Variants in DSCAML1 observed in about 807,000 individuals in gnomAD.
DSCAML1 encodes the protein cell adhesion molecule DSCAML1.
DSCAML1 carries 38 observed loss-of-function variants against 200.5 expected under a neutral mutation model. The observed-to-expected ratio is 0.19, with a 90% CI of 0.15 to 0.25. The LOEUF (loss-of-function observed/expected upper bound fraction) is 0.25. DSCAML1 is among the 10% of genes least tolerant of loss of function. The pLI is 1.00. For missense variants in DSCAML1, 2,223 were observed against 2,858.8 expected (o/e 0.78, Z 5.07); for synonymous variants, 1,215 against 1,165.0 (o/e 1.04, Z -0.87).
At chr11:117,457,913 G>A (rs910281548) in intron 19 of DSCAML1, among the ~76,000 whole-genome samples, 15 of 152,350 alleles carry the variant, frequency 9.8e-5, no homozygotes, top group African/African-American at 3.6e-4. Flanking sequence ...TGCCTGCTGT[G>A]TGCCAGTCGT....
Position 117,607,050 on chromosome 11 carries a change from A to C in DSCAML1, c.512-74528T>G, listed in dbSNP as rs576204402. Reference sequence around the variant, plus strand: ...ACTGGGACCAGACAGTGTTCTAGGCACTAGCAAAATGCCCAGCAGAGAAGG... The same window carrying C: ...ACTGGGACCAGACAGTGTTCTAGGCCCTAGCAAAATGCCCAGCAGAGAAGG... On this transcript the variant is annotated intron_variant, in intron 3 of 32. Transcript: ENST00000651296. 2.2e-4 allele frequency among the ~76,000 whole-genome samples: 34 copies of C among 152,352 alleles called. 1 individual carries two copies. In the South Asian group the frequency reaches 6.4e-3, roughly 29 times the overall value.
chr11:117,511,720 T>G (rs549246131), intron 8 of DSCAML1, among the ~76,000 whole-genome samples: 18 of 152,340 alleles, frequency 1.2e-4, no homozygotes, highest in Non-Finnish European at 2.4e-4. Context: ...TGGGCAATAT[T>G]TCATATGGTC....
At chr11:117,542,779 T>G (rs2050297197) in intron 3 of DSCAML1, among the ~76,000 whole-genome samples, 1 of 152,264 alleles carries the variant, frequency 6.6e-6, no homozygotes, top group Non-Finnish European at 1.5e-5. Context: ...TCTCTTCCTT[T>G]ACAGATGAGG....
intron 4 of DSCAML1, among the ~76,000 whole-genome samples, chr11:117,528,896 T>C (rs1407925761): frequency 6.6e-6 from 1 of 152,116 alleles, no homozygotes; most frequent in African/African-American, 2.4e-5. Context: ...CCTCTGCAAC[T>C]TGGAAAATAC....
At chr11:117,716,905 G>A (rs1339756611) in intron 3 of DSCAML1, among the ~76,000 whole-genome samples, 1 of 152,010 alleles carries the variant, frequency 6.6e-6, no homozygotes, top group African/African-American at 2.4e-5. Context: ...TGGCTTGCAC[G>A]GCCTGAAATA....
rs933086818 is a variant in DSCAML1, at chr11:117,494,752, C to T, written c.2359+9093G>A. 1.2e-4 allele frequency among the ~76,000 whole-genome samples: 19 copies of T among 152,260 alleles called. 1 individual carries two copies. The South Asian group carries it at 3.9e-3, about 32-fold the overall frequency. ...CCCTTAATCCAATAGGACTTGTGTC[C>T]TCATAAGACGAGAAGAGACCCACAT... On this transcript the variant is annotated intron_variant, in intron 11 of 32. Transcript: ENST00000651296.
intron 18 of DSCAML1, among the ~76,000 whole-genome samples, chr11:117,459,484 T>C (rs963862175): frequency 2.0e-5 from 3 of 152,216 alleles, no homozygotes; most frequent in Non-Finnish European, 2.9e-5. Context: ...GAGTGACTCA[T>C]CTGCCTTCTC....
rs139852596 is a variant in DSCAML1 at position 117,653,498 on chromosome 11, C to T, written c.512-120976G>A. On this transcript the variant is annotated intron_variant, in intron 3 of 32. Transcript: ENST00000651296. ...ATTAAGCCCTGTCTGTCTTCATCCT[C>T]CCCTGCTTGTAGACCCCCGGGCTAG... is the stretch of plus-strand genomic sequence containing the variant. Among the ~76,000 whole-genome samples the T allele has an allele frequency of 2.1e-3, 315 of 152,260 alleles. 1 individual carries two copies. The highest frequency in any genetic ancestry group is 6.7e-3 in the African/African-American group (278 of 41,568).
chr11:117,653,324 A>G (rs369467160), intron 3 of DSCAML1, among the ~76,000 whole-genome samples: 2 of 152,122 alleles, frequency 1.3e-5, no homozygotes, highest in African/African-American at 4.8e-5. Context: ...ACTTCAGATG[A>G]TCTCCCGTGG....
At chr11:117,815,487 C>T (rs2134092643) in intron 1 of DSCAML1, among the ~76,000 whole-genome samples, 1 of 152,296 alleles carries the variant, frequency 6.6e-6, no homozygotes, top group East Asian at 1.9e-4. Flanking sequence ...ACATTGCCCT[C>T]TTCTCCCCTC....
chr11:117,810,716 A>G (rs1383501652), intron 1 of DSCAML1, among the ~76,000 whole-genome samples: 1 of 152,218 alleles, frequency 6.6e-6, no homozygotes, highest in East Asian at 1.9e-4. Context: ...AAATAGCCGG[A>G]AAACAGCTCT....
chr11:117,450,818 GT>G, intron 19 of DSCAML1, 130 bp from the exon 20 acceptor site: 1 of 1,060,946 alleles, frequency 9.4e-7, no homozygotes, highest in Non-Finnish European at 1.3e-6. Context: ...TTGAGCTGTG[GT>G]TTAGAAGGGG....
At chr11:117,462,410 C>A (rs117264560) in intron 17 of DSCAML1, among the ~76,000 whole-genome samples, 7 of 152,356 alleles carry the variant, frequency 4.6e-5, no homozygotes, top group Non-Finnish European at 8.8e-5. Context: ...CCAGGATCCA[C>A]CTCAGCTCGG....
chr11:117,617,979 G>T (rs539674875), intron 3 of DSCAML1, among the ~76,000 whole-genome samples: 4 of 152,118 alleles, frequency 2.6e-5, no homozygotes, highest in Non-Finnish European at 4.4e-5. Context: ...GCAAAGACTC[G>T]TAATAAACTA....
chr11:117,809,969 TCACA>T lies in DSCAML1; in HGVS notation c.-250+7417_-250+7420del, dbSNP rs746206517. On this transcript the variant is annotated intron_variant, in intron 1 of 2. Transcript: ENST00000525836. ...TACACACATTCACACACTCACACAT[TCACA>T]CACACTCATACACACATTCACATAC... 5.0e-3 allele frequency among the ~76,000 whole-genome samples: 731 copies of T among 146,510 alleles called. 1 individual carries two copies. Among genetic ancestry groups the T allele is most frequent in the African/African-American group, 0.016 (646 of 39,578 alleles).
intron 3 of DSCAML1, among the ~76,000 whole-genome samples, chr11:117,658,774 C>T (rs1443072598): frequency 1.3e-5 from 2 of 152,210 alleles, no homozygotes; most frequent in Admixed American, 1.3e-4. Flanking sequence ...TAGCCATGAA[C>T]TAACCCTACA....
In DSCAML1 at chr11:117,437,241, C is replaced by G; in HGVS notation, c.4601G>C (p.Gly1534Ala). 2 of 1,614,254 alleles carry G rather than the reference C, an allele frequency of 1.2e-6. No individual in the cohort carries two copies. Among genetic ancestry groups the G allele is most frequent in the Non-Finnish European group, 1.7e-6 (2 of 1,180,050 alleles). The change falls in exon 26 of 33, where the codon GGG becomes GCG. Residue 1534 changes from glycine to alanine, a missense_variant. Physicochemically the swap from Gly to Ala is moderately conservative, Grantham distance 60 (BLOSUM62 0). Around this residue, in one of 7 missense-constraint regions of DSCAML1, gnomAD observed 614 missense variants for 739.1 expected, o/e 0.83. Transcript: ENST00000651296. This position sits in a 1 kb window ranked among gnomAD's most constrained non-coding sequence, Gnocchi z 5.3. ...AWQGLRANSS[G>A]EVFLTELREA... ...TCGCAGTTCCGTCAGAAACACCTCC[C>G]CGGAGCTGTTGGCCCGGAGGCCCTG...
At chr11:117,802,182 C>T (rs1591523925), upstream of DSCAML1, 2 of 152,226 alleles carry the variant, frequency 1.3e-5, no homozygotes, top group Admixed American at 1.3e-4. Context: ...ACTGGAAAAC[C>T]TTCACCTTTC....
Position 117,518,332 on chromosome 11 carries a change from G to C in DSCAML1, c.1510+134C>G, listed in dbSNP as rs2049816443. The C allele has an allele frequency of 8.2e-7, 1 of 1,224,490 alleles. No individual in the cohort carries two copies. The highest frequency in any genetic ancestry group is 1.8e-5 in the Admixed American group (1 of 55,690). 75.9% of individuals were successfully genotyped at this position (1,224,490 alleles called of 1,614,324 possible). On this transcript the variant is annotated intron_variant, in intron 7 of 32. Transcript: ENST00000651296. This position sits in a 1 kb window ranked among gnomAD's most constrained non-coding sequence, Gnocchi z 6.3. Reference sequence around the variant, plus strand: ...AGGAGGGCAGGAAAAGGGGACGAGAGAGGGGAGAGAGACCTCTACTAAAAT... The same window carrying C: ...AGGAGGGCAGGAAAAGGGGACGAGACAGGGGAGAGAGACCTCTACTAAAAT...
Sources: gnomAD v4.1 joint callset for allele counts (sites outside exome capture counted in the v4.1 genomes callset) on GRCh38, gnomAD v4.1.1 for gene constraint, gnomAD v4.1.1 regional missense constraint, Gnocchi (gnomAD v3.1) non-coding constraint, MANE v1.5 for transcripts, NCBI Gene and HGNC (gene_info 2026-07-23, HGNC 2026-07-21) for gene names.